GRIP1: variants seen among roughly 807,000 people sequenced by gnomAD.
GRIP1 encodes the protein glutamate receptor-interacting protein 1.
Under a neutral mutation model 129.9 loss-of-function variants are expected in GRIP1, and 45 were observed. The ratio of observed to expected loss-of-function variants is 0.35; its 90% CI spans 0.27 to 0.44. The LOEUF is 0.44. Ranked by LOEUF, GRIP1 falls within the 20% of genes least tolerant of loss-of-function variation. GRIP1 has a pLI of 1.00. For synonymous variants in GRIP1, 530 were observed against 520.8 expected (o/e 1.02, Z -0.24); for missense variants, 1,196 against 1,396.8 (o/e 0.86, Z 2.29).
At chr12:66,909,443 T>A (rs1224242416) in intron 1 of GRIP1, among the ~76,000 whole-genome samples, 1 of 152,246 alleles carries the variant, frequency 6.6e-6, no homozygotes, top group African/African-American at 2.4e-5. Context: ...GAAAAATCAT[T>A]GCATATGCAA....
At chr12:66,888,525 A>G (rs1194362560) in intron 1 of GRIP1, among the ~76,000 whole-genome samples, 1 of 152,116 alleles carries the variant, frequency 6.6e-6, no homozygotes, top group Non-Finnish European at 1.5e-5. Context: ...ATGCACAGCT[A>G]ATTTTCACAT....
intron 1 of GRIP1, among the ~76,000 whole-genome samples, chr12:66,758,010 T>C (rs971013623): frequency 6.6e-6 from 1 of 152,200 alleles, no homozygotes; most frequent in African/African-American, 2.4e-5. Flanking sequence ...AAAGATCCCA[T>C]ATATTTTACT....
intron 1 of GRIP1, among the ~76,000 whole-genome samples, chr12:66,689,423 A>T (rs1020662122): frequency 3.9e-4 from 59 of 152,210 alleles, no homozygotes; most frequent in African/African-American, 1.4e-3. Context: ...CATGATCATC[A>T]TCAACATGGC....
At chr12:66,392,277 A>C (rs1179873516) in intron 19 of GRIP1, 31 bp downstream of exon 19, 1 of 1,306,794 alleles carries the variant, frequency 7.7e-7, no homozygotes, top group Non-Finnish European at 1.1e-6. Context: ...CAACAATGAC[A>C]AGTCCTCTGG....
intron 16 of GRIP1, among the ~76,000 whole-genome samples, chr12:66,404,111 G>A (rs2057103567): frequency 6.6e-6 from 1 of 152,192 alleles, no homozygotes; most frequent in African/African-American, 2.4e-5. Flanking sequence ...ACTGAAGCAG[G>A]CTTGTAAGGA....
chr12:66,685,019 T>C lies in GRIP1; in HGVS notation c.-419-54683A>G, dbSNP rs147835262. Among the ~76,000 whole-genome samples, 14 of 152,286 alleles carry C rather than the reference T, an allele frequency of 9.2e-5. No homozygotes were observed. The East Asian group carries it at 2.7e-3, about 29-fold the overall frequency. On this transcript the variant is annotated intron_variant, in intron 1 of 4. Transcript: ENST00000538373. ...ACACGTTCCTCTTCCATGAGCTCAC[T>C]ACATCATCACCCTCTTTCTTAAGCT...
At chr12:67,044,901 T>A (rs1341283026) in intron 1 of GRIP1, among the ~76,000 whole-genome samples, 1 of 152,232 alleles carries the variant, frequency 6.6e-6, no homozygotes, top group African/African-American at 2.4e-5. Context: ...GAATGCTTTA[T>A]ATATGTTAGT....
At chr12:66,774,205 T>TG (rs1275851540) in intron 1 of GRIP1, among the ~76,000 whole-genome samples, 1 of 152,170 alleles carries the variant, frequency 6.6e-6, no homozygotes, top group Non-Finnish European at 1.5e-5. Flanking sequence ...GCCTCTAATT[T>TG]GCCATCCATA....
intron 24 of GRIP1, among the ~76,000 whole-genome samples, chr12:66,351,570 T>TTGTTTTTG (rs1177083208): frequency 2.1e-5 from 3 of 145,872 alleles, no homozygotes; most frequent in African/African-American, 7.6e-5. Context: ...TTTTTTTTTT[T>TTGTTTTTG]TTTTTGGAAA....
intron 7 of GRIP1, among the ~76,000 whole-genome samples, chr12:66,507,105 G>C (rs2060550425): frequency 6.6e-6 from 1 of 152,112 alleles, no homozygotes; most frequent in Admixed American, 6.5e-5. Flanking sequence ...GCAGCCCTTG[G>C]AAAACTGTTT....
intron 1 of GRIP1, among the ~76,000 whole-genome samples, chr12:66,924,733 C>T (rs963900386): frequency 1.3e-5 from 2 of 152,074 alleles, no homozygotes; most frequent in South Asian, 2.1e-4. Flanking sequence ...TTTGGGAGGC[C>T]GAGGCGGGTG....
chr12:66,807,046 G>C (rs1001847830), upstream of GRIP1, among the ~76,000 whole-genome samples: 1 of 152,092 alleles, frequency 6.6e-6, no homozygotes, highest in African/African-American at 2.4e-5. Flanking sequence ...ATGAAAGGAT[G>C]TTGTAACAGA....
intron 1 of GRIP1, among the ~76,000 whole-genome samples, chr12:66,908,245 C>T (rs1268410773): frequency 6.6e-5 from 10 of 152,076 alleles, no homozygotes; most frequent in Admixed American, 6.6e-4. Flanking sequence ...GTGCAGAACA[C>T]AGCTTTTTTG....
chr12:66,682,299 A>T (rs2034615365), upstream of GRIP1, among the ~76,000 whole-genome samples: 1 of 152,168 alleles, frequency 6.6e-6, no homozygotes, highest in African/African-American at 2.4e-5. Flanking sequence ...GAAACAGGTG[A>T]CAGTTAAGGC....
At chr12:66,448,713 A>G (rs2058698325) in intron 11 of GRIP1, among the ~76,000 whole-genome samples, 1 of 152,144 alleles carries the variant, frequency 6.6e-6, no homozygotes, top group African/African-American at 2.4e-5. Flanking sequence ...TATTGCCACT[A>G]CTACAGAGCA....
chr12:66,348,947 G>A lies in GRIP1; in HGVS notation c.*72C>T, dbSNP rs1449135873. The A allele has an allele frequency of 1.3e-5, 14 of 1,067,822 alleles. No homozygotes were observed. The highest frequency in any genetic ancestry group is 2.1e-5 in the Non-Finnish European group (14 of 680,744). The allele number at this position is 1,067,822 out of a possible 1,614,324, so 66.1% of individuals were successfully genotyped here. A position where few individuals can be genotyped will look rare whatever the true frequency, so the allele number is the denominator to read the frequency against. ...TTGATTGATTATCTGTGCTTCAAAG[G>A]TCACAGAAATCTTAAAGGATTTTTA... is the stretch of plus-strand genomic sequence containing the variant. On this transcript the variant is annotated 3_prime_UTR_variant, in exon 25 of 25. Transcript: ENST00000359742.
At chr12:66,951,276 T>C (rs1332971956) in intron 1 of GRIP1, among the ~76,000 whole-genome samples, 1 of 152,222 alleles carries the variant, frequency 6.6e-6, no homozygotes, top group Non-Finnish European at 1.5e-5. Context: ...GGTTTTAATT[T>C]CTTTGAGGAT....
chr12:66,399,063 A>C (rs962887394), intron 16 of GRIP1, among the ~76,000 whole-genome samples: 1 of 151,934 alleles, frequency 6.6e-6, no homozygotes, highest in Admixed American at 6.5e-5. Flanking sequence ...TCTCCAGAAG[A>C]GTATTGCGAG....
chr12:66,761,616 A>G (rs2037478621), intron 1 of GRIP1, among the ~76,000 whole-genome samples: 1 of 152,050 alleles, frequency 6.6e-6, no homozygotes. Context: ...CTCCCTACTC[A>G]ACTGAAAGCT....
Sources: gnomAD v4.1 joint callset for allele counts (sites outside exome capture counted in the v4.1 genomes callset) on GRCh38, gnomAD v4.1.1 for gene constraint, MANE v1.5 for transcripts, NCBI Gene and HGNC (gene_info 2026-07-23, HGNC 2026-07-21) for gene names.